The following SMYD3 variants were observed in gnomAD, a reference collection of about 807,000 sequenced individuals.
SMYD3 encodes histone-lysine N-methyltransferase SMYD3.
SMYD3 carries 36 observed loss-of-function variants against 57.7 expected under a neutral mutation model. The ratio of observed to expected loss-of-function variants is 0.62; its 90% confidence interval spans 0.48 to 0.82. The LOEUF (loss-of-function observed/expected upper bound fraction) is 0.82. Among genes scored for constraint, SMYD3 ranks in the 40% least tolerant of loss-of-function variants. SMYD3 has a pLI of 0.00. For synonymous variants in SMYD3, 211 were observed against 195.0 expected (o/e 1.08, Z -0.68); for missense variants, 515 against 538.8 (o/e 0.96, Z 0.44).
chr1:246,146,390 C>T (rs961151075), intron 5 of SMYD3, among the ~76,000 whole-genome samples: 1 of 152,184 alleles, frequency 6.6e-6, no homozygotes, highest in Non-Finnish European at 1.5e-5. Context: ...TATGGCCTGA[C>T]CTCAGTAGAA....
intron 5 of SMYD3, among the ~76,000 whole-genome samples, chr1:245,983,912 C>G (rs2058650298): frequency 6.6e-6 from 1 of 151,370 alleles, no homozygotes. Context: ...CAGCTTAAAA[C>G]TAATCATATT....
intron 8 of SMYD3, among the ~76,000 whole-genome samples, chr1:245,911,309 T>C (rs1374766491): frequency 1.3e-5 from 2 of 151,026 alleles, no homozygotes; most frequent in Non-Finnish European, 3.0e-5. Context: ...AGTAAGGAGG[T>C]TCCTCAAGAA....
chr1:245,802,548 G>A (rs1382569062), intron 10 of SMYD3, among the ~76,000 whole-genome samples: 2 of 152,206 alleles, frequency 1.3e-5, no homozygotes, highest in Admixed American at 1.3e-4. Flanking sequence ...GAGTATTGCA[G>A]TACTAGAGAT....
intron 5 of SMYD3, among the ~76,000 whole-genome samples, chr1:245,961,350 A>T (rs1001466299): frequency 2.0e-5 from 3 of 152,228 alleles, no homozygotes; most frequent in African/African-American, 7.2e-5. Context: ...TCCAATTTTA[A>T]GGGGAATGAA....
Position 246,275,674 on chromosome 1 carries a change from T to A in SMYD3, c.531+51527A>T, listed in dbSNP as rs79907324. Among the ~76,000 whole-genome samples, 17 of 150,568 alleles carry A rather than the reference T, an allele frequency of 1.1e-4. 1 individual carries two copies. Among genetic ancestry groups the A allele is most frequent in the African/African-American group, 4.2e-4 (17 of 40,896 alleles). ...TGCCTCTAGTGGAGTCTGATGCCCA[T>A]GTTTGAATACTAACTCTGTTTTTTA... On this transcript the variant is annotated intron_variant, in intron 5 of 11. Coordinates refer to ENST00000490107, the MANE Select transcript of SMYD3 (RefSeq NM_001167740.2).
chr1:246,288,062 CTTTTTTTTTTTTTTTTT>C (rs67603439), intron 5 of SMYD3, among the ~76,000 whole-genome samples: 1 of 64,216 alleles, frequency 1.6e-5, no homozygotes, highest in African/African-American at 6.7e-5. Context: ...TCAGGTAATT[CTTTTTTTTTTTTTTTTT>C]TTTTTTTTTT....
chr1:246,022,997 A>G (rs187282014), intron 5 of SMYD3, among the ~76,000 whole-genome samples: 3 of 152,320 alleles, frequency 2.0e-5, no homozygotes, highest in Admixed American at 2.0e-4. Context: ...CACTTGTTAG[A>G]CTGTACGATT....
chr1:246,439,106 G>T (rs747500214), intron 1 of SMYD3, among the ~76,000 whole-genome samples: 2 of 3,098 alleles, frequency 6.5e-4, no homozygotes, highest in Admixed American at 9.8e-3. Context: ...TGTTATTTTC[G>T]GGGGGGGGGG....
At chr1:246,479,791 A>G (rs963727542) in intron 1 of SMYD3, among the ~76,000 whole-genome samples, 28 of 152,120 alleles carry the variant, frequency 1.8e-4, no homozygotes, top group Admixed American at 6.6e-5. Flanking sequence ...TACAGGCTTG[A>G]GTCACGGCAC....
chr1:245,920,632 A>C (rs1245713302), intron 7 of SMYD3, among the ~76,000 whole-genome samples: 1 of 152,180 alleles, frequency 6.6e-6, no homozygotes, highest in Admixed American at 6.5e-5. Flanking sequence ...GGATTATTAC[A>C]TCACCCCGAC....
chr1:246,232,859 C>T lies in SMYD3; in HGVS notation c.531+94342G>A, dbSNP rs969803359. 5.8e-5 allele frequency among the ~76,000 whole-genome samples: 8 copies of T among 136,890 alleles called. 1 individual carries two copies. Among genetic ancestry groups the T allele is most frequent in the African/African-American group, 1.6e-4 (6 of 37,530 alleles). The allele number at this position is 136,890 out of a possible 152,430, so 89.8% of individuals were successfully genotyped here. On this transcript the variant is annotated intron_variant, in intron 5 of 11. Coordinates refer to ENST00000490107, the MANE Select transcript of SMYD3 (RefSeq NM_001167740.2). ...ATATACCACACAGGGGAGAAGCGCT[C>T]CTCAATTCACACTGTGATGAACATA...
At chr1:245,817,321 C>T (rs1446901807) in intron 10 of SMYD3, among the ~76,000 whole-genome samples, 1 of 144,746 alleles carries the variant, frequency 6.9e-6, no homozygotes, top group Non-Finnish European at 1.5e-5. Flanking sequence ...TTCCAACAGC[C>T]CTGCAGCTGA....
rs555307729 is a variant in SMYD3 at position 245,997,163 on chromosome 1, T to C, written c.532-67226A>G. Among the ~76,000 whole-genome samples, 11 of 152,374 alleles carry C rather than the reference T, an allele frequency of 7.2e-5. No homozygotes were observed. The South Asian group carries it at 2.3e-3, about 32-fold the overall frequency. On this transcript the variant is annotated intron_variant, in intron 5 of 11. Transcript: ENST00000490107. The stretch of plus-strand genomic sequence containing the variant: ...TACACGACGGGACACTTAATGAATT[T>C]ATTTAATGATGCCAAATATGGGGAA...
At chr1:245,979,048 A>G (rs890643575) in intron 5 of SMYD3, among the ~76,000 whole-genome samples, 5 of 152,154 alleles carry the variant, frequency 3.3e-5, no homozygotes, top group African/African-American at 1.2e-4. Flanking sequence ...TCTCTGCTCC[A>G]TGAGTGGGTG....
intron 1 of SMYD3, among the ~76,000 whole-genome samples, chr1:246,458,278 C>CT (rs1412078010): frequency 6.6e-6 from 1 of 152,006 alleles, no homozygotes; most frequent in East Asian, 1.9e-4. Context: ...GGTCTTCCAT[C>CT]TCAGATGAGA....
chr1:246,495,717 G>A (rs1452017670), intron 1 of SMYD3, among the ~76,000 whole-genome samples: 1 of 151,990 alleles, frequency 6.6e-6, no homozygotes, highest in Non-Finnish European at 1.5e-5. Flanking sequence ...AAGGCAGGGG[G>A]ATCACTTGAG....
chr1:245,863,934 A>T, intron 8 of SMYD3, 48 bp from the exon 9 acceptor site: 1 of 1,549,518 alleles, frequency 6.5e-7, no homozygotes, highest in Non-Finnish European at 8.9e-7. Context: ...AGTAATAGGC[A>T]AAGGACGTGA....
intron 5 of SMYD3, among the ~76,000 whole-genome samples, chr1:246,167,878 G>A (rs1223728688): frequency 2.0e-5 from 3 of 152,042 alleles, no homozygotes; most frequent in African/African-American, 2.4e-5. Context: ...CGTGCTTGTC[G>A]GCCATTTGTA....
At chr1:246,162,989 T>C (rs932898959) in intron 5 of SMYD3, among the ~76,000 whole-genome samples, 22 of 152,200 alleles carry the variant, frequency 1.4e-4, no homozygotes, top group African/African-American at 4.3e-4. Context: ...CCTTCATCTG[T>C]ATTGTTAACT....
Sources: gnomAD v4.1 joint callset for allele counts (sites outside exome capture counted in the v4.1 genomes callset) on GRCh38, gnomAD v4.1.1 for gene constraint, MANE v1.5 for transcripts, NCBI Gene and HGNC (gene_info 2026-07-23, HGNC 2026-07-21) for gene names.